Variants in TPO observed in about 807,000 individuals in gnomAD.
The protein encoded by TPO is thyroid peroxidase, also known as thyroid microsomal antigen.
Under a neutral mutation model 96.9 loss-of-function variants are expected in TPO, and 78 were observed. The observed-to-expected ratio is 0.81, with a 90% CI of 0.67 to 0.97. TPO has a LOEUF of 0.97. TPO is among the 50% of genes least tolerant of loss of function. The probability of loss-of-function intolerance (pLI) is 0.00; values close to 1 mark genes in which losing one functional copy is unlikely to be tolerated. For synonymous variants in TPO, 547 were observed against 538.0 expected, an observed-to-expected ratio of 1.02 and a Z score of -0.23; for missense variants, 1,252 against 1,274.8, an observed-to-expected ratio of 0.98 and a Z score of 0.27.
In TPO at chr2:1,423,147, G is replaced by A. The variant is rs758704776; in HGVS notation, c.179+18G>A. 12 of 1,611,754 alleles carry A rather than the reference G, an allele frequency of 7.4e-6. No individual in the cohort carries two copies. In the South Asian group the frequency reaches 1.3e-4, roughly 18 times the overall value. On this transcript the variant is annotated intron_variant, in intron 3 of 16. Transcript: ENST00000329066. ...ATGCAGAGGTGAGCCTTGCGGAGGG[G>A]CCGCCGCCCCAAATGCCACCGACAG...
intron 15 of TPO, among the ~76,000 whole-genome samples, chr2:1,523,576 T>C: frequency 2.2e-5 from 2 of 91,736 alleles, no homozygotes; most frequent in South Asian, 3.8e-4. Context: ...CTGTGCAACC[T>C]CCCCAAATCC....
In TPO at chr2:1,477,409, C is replaced by T. The variant is rs1483028794; in HGVS notation, c.1143C>T (p.Ile381=). 2.0e-6 allele frequency: 3 copies of T among 1,526,306 alleles called. No individual in the cohort carries two copies. The highest frequency in any genetic ancestry group is 1.2e-5 in the South Asian group (1 of 82,902). The allele number at this position is 1,526,306 out of a possible 1,614,324, so 94.5% of individuals were successfully genotyped here. ...CGGCCTGTGCGCCCGAGCCCGGCATCCCCGGAGAGACCCGCGGGCCCTGCT... is the reference window on the plus strand; with the variant it reads ...CGGCCTGTGCGCCCGAGCCCGGCATTCCCGGAGAGACCCGCGGGCCCTGCT... ...APAACAPEPG[I]PGETRGPCFL... The change falls in exon 8 of 17, where the codon ATC becomes ATT. Residue 381 remains isoleucine, a synonymous_variant. Transcript: ENST00000329066.
At chr2:1,494,384 G>A (rs1322460775) in intron 11 of TPO, among the ~76,000 whole-genome samples, 1 of 152,210 alleles carries the variant, frequency 6.6e-6, no homozygotes. Context: ...GACAATGCCC[G>A]GGAAAGCGCA....
chr2:1,505,246 TTCCTGTGTCAGGCGCACCCCC>T (rs1365905178), intron 14 of TPO, among the ~76,000 whole-genome samples: 22 of 143,294 alleles, frequency 1.5e-4, no homozygotes, highest in African/African-American at 3.7e-4. Context: ...ATACACCCCC[TTCCTGTGTCAGGCGCACCCCC>T]TCCTGTGTCA....
intron 5 of TPO, among the ~76,000 whole-genome samples, chr2:1,451,759 A>G (rs1667322558): frequency 6.6e-6 from 1 of 152,136 alleles, no homozygotes; most frequent in Non-Finnish European, 1.5e-5. Flanking sequence ...ATCTGTATTT[A>G]TTTTTAACAA....
At chr2:1,466,112 TC>T (rs1039115166) in intron 7 of TPO, among the ~76,000 whole-genome samples, 1 of 152,224 alleles carries the variant, frequency 6.6e-6, no homozygotes, top group African/African-American at 2.4e-5. Flanking sequence ...GGATGCTGGA[TC>T]TTTTTGAATG....
intron 1 of TPO, among the ~76,000 whole-genome samples, chr2:1,384,125 T>C (rs1370061121): frequency 2.6e-5 from 4 of 152,252 alleles, no homozygotes; most frequent in Non-Finnish European, 5.9e-5. Context: ...TGTAGCCTTG[T>C]AGTATAGTTT....
At chr2:1,527,501 C>T (rs907360897) in intron 15 of TPO, among the ~76,000 whole-genome samples, 9 of 149,118 alleles carry the variant, frequency 6.0e-5, no homozygotes, top group Admixed American at 4.0e-4. Flanking sequence ...GTGCGACCTC[C>T]CCAAATCCTC....
intron 1 of TPO, among the ~76,000 whole-genome samples, chr2:1,402,245 G>A (rs1047136644): frequency 5.3e-5 from 8 of 152,176 alleles, no homozygotes; most frequent in African/African-American, 1.9e-4. Flanking sequence ...AGCTGCGGTC[G>A]GCATCCACGG....
intron 4 of TPO, 83 bp from the exon 5 acceptor site, chr2:1,436,169 T>A: frequency 6.2e-7 from 1 of 1,607,030 alleles, no homozygotes; most frequent in Non-Finnish European, 8.5e-7. Context: ...GATGCTGGAG[T>A]CACTTTTGAG....
upstream of TPO, among the ~76,000 whole-genome samples, chr2:1,413,214 C>T (rs937278594): frequency 1.3e-5 from 2 of 152,132 alleles, no homozygotes; most frequent in East Asian, 3.9e-4. Flanking sequence ...TTGGTTTATT[C>T]TTTCTCCCTG....
At chr2:1,532,454 G>A (rs551757768) in intron 15 of TPO, among the ~76,000 whole-genome samples, 2 of 80,338 alleles carry the variant, frequency 2.5e-5, no homozygotes, top group East Asian at 3.5e-4. Context: ...CAATTGCCCC[G>A]CACTGTGCAA....
At chr2:1,492,876 C>T (rs998724241) in intron 10 of TPO, among the ~76,000 whole-genome samples, 4 of 152,178 alleles carry the variant, frequency 2.6e-5, no homozygotes, top group African/African-American at 9.6e-5. Context: ...GATCAGAACC[C>T]GTGGGAGTGA....
chr2:1,423,041 G>A lies in TPO; in HGVS notation c.95-4G>A, dbSNP rs757494249. On this transcript the variant is annotated splice_polypyrimidine_tract_variant and splice_region_variant and intron_variant, in intron 2 of 16. Coordinates refer to ENST00000329066, the MANE Select transcript of TPO (RefSeq NM_001206744.2). ...CTTTGACTGTGTGACATTCTGTTCCGTAGGAAAGCCTGAGGAGTCTCGTGT... is the reference window on the plus strand; with the variant it reads ...CTTTGACTGTGTGACATTCTGTTCCATAGGAAAGCCTGAGGAGTCTCGTGT... 4.4e-5 allele frequency: 71 copies of A among 1,613,954 alleles called. No homozygotes were observed. Among genetic ancestry groups the A allele is most frequent in the Non-Finnish European group, 4.8e-5 (57 of 1,179,944 alleles).
chr2:1,415,519 G>A (rs866370391), intron 2 of TPO, among the ~76,000 whole-genome samples: 48 of 135,054 alleles, frequency 3.6e-4, no homozygotes, highest in Middle Eastern at 4.6e-3. Context: ...ATAGTCCCGG[G>A]GCCCCTGGAG....
rs184268975 is a variant in TPO at position 1,482,412 on chromosome 2, C to T, written c.1339-2184C>T. Among the ~76,000 whole-genome samples the T allele has an allele frequency of 6.4e-3, 981 of 152,196 alleles. 6 individuals are homozygous for T. The highest frequency in any genetic ancestry group is 0.01 in the Middle Eastern group (3 of 294). On this transcript the variant is annotated intron_variant, in intron 8 of 16. Transcript: ENST00000329066. ...ACCAGGAGGCTGGGGTGAGAGCAGA[C>T]GTGGAGGAGCAGCTTGAAGCAGCCT...
intron 7 of TPO, among the ~76,000 whole-genome samples, chr2:1,461,290 G>T (rs560090255): frequency 6.6e-6 from 1 of 152,318 alleles, no homozygotes; most frequent in South Asian, 2.1e-4. Flanking sequence ...CAGTTATGTG[G>T]ATGGCTGCGT....
At chr2:1,513,705 A>G (rs1041093505) in intron 14 of TPO, 14 of 152,372 alleles carry the variant, frequency 9.2e-5, no homozygotes, top group Admixed American at 3.9e-4. Flanking sequence ...AAATATGGAT[A>G]TATGTAGATA....
At chr2:1,395,097 T>C (rs776596111) in intron 1 of TPO, among the ~76,000 whole-genome samples, 2 of 152,186 alleles carry the variant, frequency 1.3e-5, no homozygotes, top group Non-Finnish European at 2.9e-5. Flanking sequence ...TGCCTGTCAG[T>C]GCAAAACAAA....
Sources: gnomAD v4.1 joint callset for allele counts (sites outside exome capture counted in the v4.1 genomes callset) on GRCh38, gnomAD v4.1.1 for gene constraint, MANE v1.5 for transcripts, NCBI Gene and HGNC (gene_info 2026-07-23, HGNC 2026-07-21) for gene names.